The following MYLK variants were observed in gnomAD, a reference collection of about 807,000 sequenced individuals.
The protein encoded by MYLK is myosin light chain kinase, smooth muscle.
In MYLK, 106 loss-of-function variants were observed where a neutral mutation model predicts 203.4. The ratio of observed to expected loss-of-function variants is 0.52; its 90% confidence interval spans 0.45 to 0.61. The LOEUF is 0.61. Among genes scored for constraint, MYLK ranks in the 20% least tolerant of loss-of-function variants. The pLI, the probability that MYLK is intolerant of heterozygous loss-of-function variation, is 0.00. For missense variants in MYLK, 2,072 were observed against 2,442.3 expected, an observed-to-expected ratio of 0.85 and a Z score of 3.20; for synonymous variants, 867 against 959.5, an observed-to-expected ratio of 0.90 and a Z score of 1.78.
At chr3:123,847,441 A>G (rs527393425) in intron 2 of MYLK, among the ~76,000 whole-genome samples, 2 of 152,240 alleles carry the variant, frequency 1.3e-5, no homozygotes, top group South Asian at 4.2e-4. Flanking sequence ...CCTCCTGTAC[A>G]ATGCTGAATA....
At chr3:123,760,649 G>A (rs1310617607) in intron 4 of MYLK, among the ~76,000 whole-genome samples, 1 of 151,924 alleles carries the variant, frequency 6.6e-6, no homozygotes, top group African/African-American at 2.4e-5. Flanking sequence ...AACTACTTCT[G>A]CCCTAAGAAA....
chr3:123,737,587 C>T, intron 7 of MYLK, 44 bp from the exon 8 acceptor site: 1 of 1,611,694 alleles, frequency 6.2e-7, no homozygotes, highest in Non-Finnish European at 8.5e-7. Flanking sequence ...AATCTGCTCA[C>T]CTTCTGGCTG....
At position 123,667,168 on chromosome 3, in the gene MYLK, C is replaced by G; in HGVS notation, c.3672G>C (p.Lys1224Asn). 6.2e-7 allele frequency: 1 copy of G among 1,614,142 alleles called. No homozygotes were observed. Among genetic ancestry groups the G allele is most frequent in the Non-Finnish European group, 8.5e-7 (1 of 1,180,026 alleles). ...LGTESDATVK[K>N]KPAPKTPPKA... ...TCGGAGGTGTCTTGGGGGCAGGTTT[C>G]TTTTTCACAGTCGCATCACCTGAAA... The change falls in exon 21 of 34, where the codon AAG (lysine) becomes AAC (asparagine). Residue 1224 changes from lysine (K) to asparagine (N), a missense_variant. By Grantham distance (94) the Lys-to-Asn change is moderately conservative (BLOSUM62 0). Coordinates refer to ENST00000360304, the MANE Select transcript of MYLK (RefSeq NM_053025.4).
At chr3:123,781,040 C>T (rs574804192) in intron 4 of MYLK, among the ~76,000 whole-genome samples, 5 of 152,240 alleles carry the variant, frequency 3.3e-5, no homozygotes, top group East Asian at 1.9e-4. Context: ...ATTAGGGGTC[C>T]GGGCTCCAGT....
chr3:123,702,656 T>C (rs1366867780), intron 16 of MYLK, among the ~76,000 whole-genome samples: 2 of 152,102 alleles, frequency 1.3e-5, no homozygotes, highest in East Asian at 3.9e-4. Context: ...GAGATTAGAG[T>C]CACCACTGTT....
chr3:123,753,783 A>G (rs1400551407), intron 4 of MYLK, among the ~76,000 whole-genome samples: 1 of 152,196 alleles, frequency 6.6e-6, no homozygotes, highest in Non-Finnish European at 1.5e-5. Context: ...TTAGCACTGG[A>G]AAGTAGAAGG....
At chr3:123,701,556 A>G in intron 16 of MYLK, 47 bp from the exon 17 acceptor site, 2 of 1,582,652 alleles carry the variant, frequency 1.3e-6, no homozygotes, top group Non-Finnish European at 1.7e-6. Flanking sequence ...CCTCTGGGCA[A>G]AGGGCCTGTT....
chr3:123,840,880 A>ATG (rs2066575619), intron 2 of MYLK, among the ~76,000 whole-genome samples: 1 of 150,096 alleles, frequency 6.7e-6, no homozygotes, highest in Non-Finnish European at 1.5e-5. Context: ...CAACTGCTTT[A>ATG]GTCTGAATGC....
chr3:123,768,863 G>A (rs531631044), intron 4 of MYLK, among the ~76,000 whole-genome samples: 12 of 152,308 alleles, frequency 7.9e-5, no homozygotes, highest in African/African-American at 2.2e-4. Flanking sequence ...AGAGCCAAGC[G>A]AGGAGCAATT....
In MYLK at chr3:123,786,366, G is replaced by A. The variant is rs572535798; in HGVS notation, c.165+7311C>T. Among the ~76,000 whole-genome samples, 192 of 151,528 alleles carry A rather than the reference G, an allele frequency of 1.3e-3. 1 individual carries two copies. Among genetic ancestry groups the A allele is most frequent in the Admixed American group, 7.0e-3 (107 of 15,184 alleles). On this transcript the variant is annotated intron_variant, in intron 4 of 33. Coordinates refer to ENST00000360304, the MANE Select transcript of MYLK (RefSeq NM_053025.4). ...ATATATATATAAAAGTATTATAGGC[G>A]TTCAGAGAAGGGAACAATTGAGGGT...
chr3:123,881,085 C>T (rs547447259), intron 1 of MYLK, among the ~76,000 whole-genome samples: 53 of 152,230 alleles, frequency 3.5e-4, no homozygotes, highest in African/African-American at 1.2e-3. Context: ...GGGAGAGGGG[C>T]GTGGCTTGTA....
At chr3:123,859,709 G>C (rs1191068110) in intron 2 of MYLK, among the ~76,000 whole-genome samples, 1 of 152,096 alleles carries the variant, frequency 6.6e-6, no homozygotes, top group Non-Finnish European at 1.5e-5. Context: ...CCAAGGACAA[G>C]AACAAACAAT....
chr3:123,718,024 G>A (rs2061961293), intron 13 of MYLK, among the ~76,000 whole-genome samples: 2 of 152,058 alleles, frequency 1.3e-5, no homozygotes, highest in Admixed American at 1.3e-4. Flanking sequence ...ACCACTCCCG[G>A]CTAATTTTTG....
At chr3:123,814,265 G>T in intron 3 of MYLK, 1 of 184,892 alleles carries the variant, frequency 5.4e-6, no homozygotes, top group Non-Finnish European at 1.1e-5. Flanking sequence ...ACCCTATTCC[G>T]GCCAAGCTCA....
chr3:123,729,462 T>A (rs1296610974), intron 11 of MYLK, among the ~76,000 whole-genome samples: 1 of 152,154 alleles, frequency 6.6e-6, no homozygotes, highest in Non-Finnish European at 1.5e-5. Context: ...AATAAAAAAG[T>A]AAATGATGCA....
At position 123,793,767 on chromosome 3, in the gene MYLK, G is replaced by C; in HGVS notation, c.75C>G (p.Asp25Glu). ...TSLSVDPSRV[D>E]SMPLTEAPAF... ...CAGGGGCCTCTGTCAGGGGCATGGA[G>C]TCAACTCTTGAGGGATCCACACTGA... The change falls in exon 4 of 34, where the codon GAC becomes GAG. Residue 25 changes from aspartate (D) to glutamate (E), a missense_variant. Physicochemically the swap from Asp to Glu is conservative, Grantham distance 45. Coordinates refer to ENST00000360304, the MANE Select transcript of MYLK (RefSeq NM_053025.4). The C allele has an allele frequency of 6.2e-7, 1 of 1,614,050 alleles. No individual in the cohort carries two copies. Among genetic ancestry groups the C allele is most frequent in the Middle Eastern group, 1.6e-4 (1 of 6,062 alleles).
chr3:123,843,646 A>G (rs914614913), intron 2 of MYLK, among the ~76,000 whole-genome samples: 2 of 152,170 alleles, frequency 1.3e-5, no homozygotes, highest in Admixed American at 6.5e-5. Flanking sequence ...CTGCAGAGAC[A>G]CATCCCTTTC....
Position 123,831,551 on chromosome 3 carries a change from C to T in MYLK, c.-7G>A, listed in dbSNP as rs916274331. 2.7e-5 allele frequency: 16 copies of T among 587,132 alleles called. No individual in the cohort carries two copies. Among genetic ancestry groups the T allele is most frequent in the African/African-American group, 1.8e-4 (9 of 51,006 alleles). 36.4% of individuals were successfully genotyped at this position (587,132 alleles called of 1,614,324 possible). A position where few individuals can be genotyped will look rare whatever the true frequency, so the allele number is the denominator to read the frequency against. On this transcript the variant is annotated 5_prime_UTR_variant, in exon 3 of 34. Transcript: ENST00000360304. Reference sequence around the variant, plus strand: ...AATGTAAACTCTGTTCACTCACCACCGTCTTCTCTGTTGTTTGTTGTGGCA... The same window carrying T: ...AATGTAAACTCTGTTCACTCACCACTGTCTTCTCTGTTGTTTGTTGTGGCA...
Position 123,733,010 on chromosome 3 carries a change from C to T in MYLK, c.1402G>A (p.Gly468Ser), listed in dbSNP as rs2062539822. ...TTCAGCAGGCAGAGGTAATGGGAGCCAGCATCTTCATAAACCTCAATGCTG... is the reference window on the plus strand; with the variant it reads ...TTCAGCAGGCAGAGGTAATGGGAGCTAGCATCTTCATAAACCTCAATGCTG... ...EGSIEVYEDA[G>S]SHYLCLLKAR... The change falls in exon 11 of 34, where the codon GGC (glycine) becomes AGC (serine). Residue 468 changes from glycine to serine, a missense_variant. This residue lies in a region of MYLK where 683 missense variants were observed against 643.8 expected (regional missense o/e 1.06). Transcript: ENST00000360304. 1 of 1,614,170 alleles carries T rather than the reference C, an allele frequency of 6.2e-7. No homozygotes were observed. Among genetic ancestry groups the T allele is most frequent in the Non-Finnish European group, 8.5e-7 (1 of 1,180,018 alleles).
Sources: gnomAD v4.1 joint callset for allele counts (sites outside exome capture counted in the v4.1 genomes callset) on GRCh38, gnomAD v4.1.1 for gene constraint, gnomAD v4.1.1 regional missense constraint, MANE v1.5 for transcripts, NCBI Gene and HGNC (gene_info 2026-07-23, HGNC 2026-07-21) for gene names.